Variants in CAPN8 observed in about 807,000 individuals in gnomAD.
The protein encoded by CAPN8 is calpain 8.
Under a neutral mutation model 80.9 loss-of-function variants are expected in CAPN8, and 87 were observed. The observed-to-expected ratio is 1.07, with a 90% CI of 0.90 to 1.28. CAPN8 has a LOEUF of 1.28. CAPN8 is among the 50% of genes most tolerant of loss of function. The pLI is 0.00. For missense variants in CAPN8, 757 were observed against 702.0 expected, an observed-to-expected ratio of 1.08 and a Z score of -0.89; for synonymous variants, 299 against 273.8, an observed-to-expected ratio of 1.09 and a Z score of -0.91.
At chr1:223,659,259 T>A (rs1243261189) in intron 1 of CAPN8, among the ~76,000 whole-genome samples, 1 of 152,192 alleles carries the variant, frequency 6.6e-6, no homozygotes, top group African/African-American at 2.4e-5. Flanking sequence ...CCATGTCTGA[T>A]AGCTTTGGTT....
At chr1:223,635,873 C>T (rs1553338346) in intron 2 of CAPN8, among the ~76,000 whole-genome samples, 1 of 1,272 alleles carries the variant, frequency 7.9e-4, no homozygotes. Context: ...TATTTGAAAA[C>T]TCAGACCTTG....
chr1:223,612,825 T>C (rs1657066241), intron 10 of CAPN8, among the ~76,000 whole-genome samples: 1 of 152,198 alleles, frequency 6.6e-6, no homozygotes, highest in Non-Finnish European at 1.5e-5. Flanking sequence ...AAATCTAGAC[T>C]AGCACAATGT....
At chr1:223,557,203 T>C (rs946375819) in intron 13 of CAPN8, among the ~76,000 whole-genome samples, 11 of 152,212 alleles carry the variant, frequency 7.2e-5, no homozygotes, top group Non-Finnish European at 1.6e-4. Flanking sequence ...CACCATCTCA[T>C]GCATCAGCAG....
chr1:223,629,909 A>G (rs1558348294), intron 2 of CAPN8, among the ~76,000 whole-genome samples: 1 of 152,150 alleles, frequency 6.6e-6, no homozygotes. Flanking sequence ...TCTTTTCCAT[A>G]TCAAAGATCT....
At position 223,633,654 on chromosome 1, in the gene CAPN8, G is replaced by A. The variant is rs539169627; in HGVS notation, c.308-4874C>T. Among the ~76,000 whole-genome samples, 14 of 152,120 alleles carry A rather than the reference G, an allele frequency of 9.2e-5. No homozygotes were observed. In the South Asian group the frequency reaches 1.0e-3, roughly 11 times the overall value. Reference sequence around the variant, plus strand: ...TCCAGCCTGGACGGCAGAGCAAGGCGCCGCCTCAAAAAGAAAAAAAATAAA... The same window carrying A: ...TCCAGCCTGGACGGCAGAGCAAGGCACCGCCTCAAAAAGAAAAAAAATAAA... On this transcript the variant is annotated intron_variant, in intron 2 of 20. Coordinates refer to ENST00000366872, the MANE Select transcript of CAPN8 (RefSeq NM_001143962.2).
intron 2 of CAPN8, among the ~76,000 whole-genome samples, chr1:223,643,450 T>C (rs1322688467): frequency 6.6e-6 from 1 of 152,174 alleles, no homozygotes; most frequent in Non-Finnish European, 1.5e-5. Flanking sequence ...TGAACTCAAA[T>C]GTTAAAATGC....
chr1:223,545,421 C>T (rs537899883), intron 16 of CAPN8, 122 bp from the exon 17 acceptor site: 2 of 1,442,788 alleles, frequency 1.4e-6, no homozygotes, highest in South Asian at 2.5e-5. Flanking sequence ...CTGTGGCAAG[C>T]AGAGCAGTGG....
At chr1:223,660,153 G>C (rs1458482381) in intron 1 of CAPN8, among the ~76,000 whole-genome samples, 1 of 152,100 alleles carries the variant, frequency 6.6e-6, no homozygotes, top group Non-Finnish European at 1.5e-5. Flanking sequence ...CTTAAACTAG[G>C]TCCTTATTAT....
rs1177519571 is a variant in CAPN8, at chr1:223,550,959, C to A, written c.1699+1G>T. The A allele has an allele frequency of 4.2e-6, 3 of 718,074 alleles. No homozygotes were observed. In the East Asian group the frequency reaches 8.0e-5, roughly 19 times the overall value. 44.5% of individuals were successfully genotyped at this position (718,074 alleles called of 1,614,324 possible). ...CTGAAAGACCCCAAGAAGGAACTTA[C>A]TCTTGGAAAACGCCTCATTCAAAAG... On this transcript the variant is annotated splice_donor_variant, in intron 15 of 20. Transcript: ENST00000366872. LOFTEE classifies it high-confidence loss of function.
intron 6 of CAPN8, among the ~76,000 whole-genome samples, chr1:223,624,190 C>A (rs956727511): frequency 2.0e-5 from 3 of 152,158 alleles, no homozygotes; most frequent in Non-Finnish European, 4.4e-5. Context: ...GATCCTCCCA[C>A]CTCAGCCTCC....
At chr1:223,644,676 G>C (rs1658140138) in intron 2 of CAPN8, among the ~76,000 whole-genome samples, 1 of 152,148 alleles carries the variant, frequency 6.6e-6, no homozygotes, top group African/African-American at 2.4e-5. Context: ...GGAAACGCAA[G>C]GCAGTCTGGG....
chr1:223,554,281 G>C (rs1656859025), intron 13 of CAPN8, among the ~76,000 whole-genome samples: 1 of 152,136 alleles, frequency 6.6e-6, no homozygotes, highest in African/African-American at 2.4e-5. Flanking sequence ...AATTTTCCAG[G>C]GAGTCTGAAC....
intron 2 of CAPN8, among the ~76,000 whole-genome samples, chr1:223,638,513 T>C (rs550400281): frequency 6.6e-6 from 1 of 152,270 alleles, no homozygotes; most frequent in African/African-American, 2.4e-5. Context: ...CCCCCGTGGG[T>C]AAGCCAGCTT....
At position 223,549,235 on chromosome 1, in the gene CAPN8, C is replaced by T. The variant is rs1656715886; in HGVS notation, c.1764+83G>A. The T allele has an allele frequency of 2.6e-6, 4 of 1,514,844 alleles. No homozygotes were observed. In the East Asian group the frequency reaches 7.4e-5, roughly 28 times the overall value. The allele number at this position is 1,514,844 out of a possible 1,614,324, so 93.8% of individuals were successfully genotyped here. ...CCTTCTCATTTTTTACCCGTCCCTT[C>T]CTTCTAACTGGAAAAGGTGGAGGAG... On this transcript the variant is annotated intron_variant, in intron 16 of 20. Coordinates refer to ENST00000366872, the MANE Select transcript of CAPN8 (RefSeq NM_001143962.2).
At chr1:223,616,314 T>G (rs1463232706) in intron 9 of CAPN8, among the ~76,000 whole-genome samples, 169 bp from the exon 10 acceptor site, 1 of 152,248 alleles carries the variant, frequency 6.6e-6, no homozygotes, top group Non-Finnish European at 1.5e-5. Flanking sequence ...GTCAGGCATT[T>G]CCTCCTACCT....
At chr1:223,555,524 A>G (rs1251979305) in intron 13 of CAPN8, among the ~76,000 whole-genome samples, 1 of 152,236 alleles carries the variant, frequency 6.6e-6, no homozygotes, top group East Asian at 1.9e-4. Context: ...TCACACATAT[A>G]TGATTTTAAA....
chr1:223,546,269 C>A (rs1656620005), intron 16 of CAPN8, among the ~76,000 whole-genome samples: 1 of 152,112 alleles, frequency 6.6e-6, no homozygotes, highest in African/African-American at 2.4e-5. Flanking sequence ...GAAACAGCCC[C>A]AGCTACTCAG....
intron 1 of CAPN8, among the ~76,000 whole-genome samples, chr1:223,660,326 G>A (rs1438252777): frequency 6.6e-6 from 1 of 152,110 alleles, no homozygotes; most frequent in Non-Finnish European, 1.5e-5. Context: ...CCTGGGCTGG[G>A]CATTAACCAA....
At chr1:223,639,552 C>CAGG (rs1330051756) in intron 2 of CAPN8, among the ~76,000 whole-genome samples, 2 of 152,246 alleles carry the variant, frequency 1.3e-5, no homozygotes, top group Non-Finnish European at 2.9e-5. Context: ...AAACCACAAA[C>CAGG]TAACCTCTAA....
Sources: allele counts gnomAD v4.1 joint callset (sites outside exome capture counted in the v4.1 genomes callset), GRCh38; gene constraint gnomAD v4.1.1; transcripts MANE v1.5; gene names NCBI Gene and HGNC (gene_info 2026-07-23, HGNC 2026-07-21).